Variants in KCNAB1 observed in about 807,000 individuals in gnomAD.
KCNAB1 encodes the protein voltage-gated potassium channel subunit beta-1.
KCNAB1 carries 35 observed loss-of-function variants against 64.6 expected under a neutral mutation model. The ratio of observed to expected loss-of-function variants is 0.54; its 90% CI spans 0.41 to 0.72. The LOEUF (loss-of-function observed/expected upper bound fraction) is 0.72. Among genes scored for constraint, KCNAB1 ranks in the 30% least tolerant of loss-of-function variants. The probability of loss-of-function intolerance (pLI) is 0.00; values close to 1 mark genes in which losing one functional copy is unlikely to be tolerated. For synonymous variants in KCNAB1, 177 were observed against 183.8 expected (o/e 0.96, Z 0.30); for missense variants, 401 against 512.9 (o/e 0.78, Z 2.11).
At chr3:156,216,162 A>T (rs1335631150) in intron 1 of KCNAB1, among the ~76,000 whole-genome samples, 45 of 152,346 alleles carry the variant, frequency 3.0e-4, no homozygotes, top group Non-Finnish European at 8.8e-5. Context: ...TTAATGAAAT[A>T]GAATCTTACT....
chr3:156,412,856 G>C (rs1479820910), intron 1 of KCNAB1, among the ~76,000 whole-genome samples: 3 of 152,190 alleles, frequency 2.0e-5, no homozygotes, highest in Admixed American at 6.5e-5. Context: ...ACTGGCTGTA[G>C]AGACCAAGGG....
chr3:156,458,925 G>C (rs12053933), intron 4 of KCNAB1, among the ~76,000 whole-genome samples: 2,672 of 152,302 alleles, frequency 0.018, 62 homozygotes, highest in East Asian at 0.064. Context: ...CAACACCAAT[G>C]TAAGACTCAA....
At chr3:156,440,375 C>G (rs1389062363) in intron 2 of KCNAB1, among the ~76,000 whole-genome samples, 1 of 152,330 alleles carries the variant, frequency 6.6e-6, no homozygotes, top group South Asian at 2.1e-4. Flanking sequence ...TATGCCAAAG[C>G]ATGGCTGGGA....
chr3:156,324,828 C>T (rs1174813781), intron 1 of KCNAB1, among the ~76,000 whole-genome samples: 2 of 152,150 alleles, frequency 1.3e-5, no homozygotes, highest in Non-Finnish European at 2.9e-5. Context: ...AGGCTTAGTC[C>T]AGACCCTTTG....
intron 1 of KCNAB1, among the ~76,000 whole-genome samples, chr3:156,185,281 C>A (rs796197646): frequency 1.3e-5 from 2 of 152,284 alleles, no homozygotes; most frequent in African/African-American, 4.8e-5. Context: ...TCACAGCCAC[C>A]TTTTCTACTA....
chr3:156,147,385 G>A (rs1715099976), intron 1 of KCNAB1, among the ~76,000 whole-genome samples: 2 of 152,318 alleles, frequency 1.3e-5, no homozygotes, highest in South Asian at 2.1e-4. Flanking sequence ...GATCTTTCCT[G>A]TGGAGCCCCT....
chr3:156,160,253 A>G lies in KCNAB1; in HGVS notation c.275+39367A>G, dbSNP rs542726453. 1.3e-3 allele frequency among the ~76,000 whole-genome samples: 201 copies of G among 152,386 alleles called. 1 individual carries two copies. The highest frequency in any genetic ancestry group is 4.6e-3 in the African/African-American group (193 of 41,604). On this transcript the variant is annotated intron_variant, in intron 1 of 13. Transcript: ENST00000490337. ...CAGATCTGCACTAAATGCTTGTTTTAAATCTTGCTAGGTGAGTGACTATAC... is the reference window on the plus strand; with the variant it reads ...CAGATCTGCACTAAATGCTTGTTTTGAATCTTGCTAGGTGAGTGACTATAC...
intron 2 of KCNAB1, among the ~76,000 whole-genome samples, chr3:156,451,803 G>A (rs899074430): frequency 4.0e-5 from 6 of 151,816 alleles, no homozygotes; most frequent in East Asian, 1.9e-4. Flanking sequence ...TTTCCTGGCC[G>A]GTGCTCTTGC....
intron 8 of KCNAB1, among the ~76,000 whole-genome samples, chr3:156,488,649 C>A (rs577021590): frequency 1.1e-3 from 175 of 152,184 alleles, no homozygotes; most frequent in African/African-American, 4.1e-3. Context: ...AAAAGGATAC[C>A]TCCTCCTTGG....
chr3:156,307,688 A>G (rs1327229949), intron 1 of KCNAB1, among the ~76,000 whole-genome samples: 2 of 152,206 alleles, frequency 1.3e-5, no homozygotes, highest in African/African-American at 4.8e-5. Flanking sequence ...AACTGAGCAC[A>G]TTATTACTGA....
At chr3:156,208,753 A>G (rs1714828430) in intron 1 of KCNAB1, among the ~76,000 whole-genome samples, 1 of 152,194 alleles carries the variant, frequency 6.6e-6, no homozygotes, top group Admixed American at 6.5e-5. Context: ...TTGCCCTGGT[A>G]TCACAATGTT....
chr3:156,466,493 T>G (rs1166439390), intron 7 of KCNAB1, among the ~76,000 whole-genome samples: 2 of 151,768 alleles, frequency 1.3e-5, no homozygotes, highest in East Asian at 1.9e-4. Context: ...TTAGTTTTTA[T>G]TTTATTATTA....
chr3:156,308,601 G>A (rs1281204176), intron 1 of KCNAB1, among the ~76,000 whole-genome samples: 1 of 152,238 alleles, frequency 6.6e-6, no homozygotes. Flanking sequence ...TTCTGGGGCT[G>A]CCCACTGTAG....
chr3:156,235,628 A>AT (rs1187835757), intron 1 of KCNAB1, among the ~76,000 whole-genome samples: 12 of 152,194 alleles, frequency 7.9e-5, no homozygotes, highest in African/African-American at 2.9e-4. Flanking sequence ...GATACCTACC[A>AT]TGGCATACAT....
At chr3:156,336,440 T>C (rs1457010488) in intron 1 of KCNAB1, among the ~76,000 whole-genome samples, 1 of 152,140 alleles carries the variant, frequency 6.6e-6, no homozygotes, top group Non-Finnish European at 1.5e-5. Context: ...TCATAATGTA[T>C]GGAGAATAAC....
chr3:156,467,682 TTTTTTCTTAA>T lies in KCNAB1; in HGVS notation c.571+1999_571+2008del, dbSNP rs1470723634. Among the ~76,000 whole-genome samples, 11 of 152,220 alleles carry T rather than the reference TTTTTTCTTAA, an allele frequency of 7.2e-5. No individual in the cohort carries two copies. The East Asian group carries it at 1.9e-3, about 27-fold the overall frequency. ...CACAAATATTAACCTAAGCCTTGATTTTTTTCTTAATTAAAATACACAACTTAACAGATTA... is the reference window on the plus strand; with the variant it reads ...CACAAATATTAACCTAAGCCTTGATTTTAAAATACACAACTTAACAGATTA... On this transcript the variant is annotated intron_variant, in intron 7 of 13. Transcript: ENST00000490337.
chr3:156,291,938 A>C, intron 1 of KCNAB1: 1 of 1,614,144 alleles, frequency 6.2e-7, no homozygotes, highest in Non-Finnish European at 8.5e-7. Context: ...CACAGAGCAC[A>C]ATTTGAAGAG....
chr3:156,283,763 C>T (rs1055134240), intron 1 of KCNAB1, among the ~76,000 whole-genome samples: 2 of 152,070 alleles, frequency 1.3e-5, no homozygotes, highest in African/African-American at 2.4e-5. Flanking sequence ...CGCATTGGCT[C>T]CTGAGGCTTC....
intron 8 of KCNAB1, among the ~76,000 whole-genome samples, chr3:156,500,828 C>A (rs933822612): frequency 6.6e-6 from 1 of 152,170 alleles, no homozygotes; most frequent in Admixed American, 6.5e-5. Flanking sequence ...GAAGTATCAT[C>A]ATCAATGGCA....
Sources: gnomAD v4.1 joint callset for allele counts (sites outside exome capture counted in the v4.1 genomes callset) on GRCh38, gnomAD v4.1.1 for gene constraint, MANE v1.5 for transcripts, NCBI Gene and HGNC (gene_info 2026-07-23, HGNC 2026-07-21) for gene names.